The following MYBL2 variants were observed in gnomAD, a reference collection of about 807,000 sequenced individuals.
MYBL2 encodes the protein myb-related protein B.
In MYBL2, 28 loss-of-function variants were observed where a neutral mutation model predicts 79.9. That is an observed-to-expected ratio of 0.35 (90% confidence interval 0.26 to 0.48). The LOEUF is 0.48. Ranked by LOEUF, MYBL2 falls within the 20% of genes least tolerant of loss-of-function variation. The pLI is 0.99. For synonymous variants in MYBL2, 378 were observed against 361.2 expected, an observed-to-expected ratio of 1.05 and a Z score of -0.53; for missense variants, 735 against 893.9, an observed-to-expected ratio of 0.82 and a Z score of 2.27.
chr20:43,711,083 G>T (rs1213408829), intron 10 of MYBL2, among the ~76,000 whole-genome samples: 1 of 152,206 alleles, frequency 6.6e-6, no homozygotes, highest in Non-Finnish European at 1.5e-5. Context: ...AAATGGGTTT[G>T]AGAGCCCCCA....
chr20:43,714,869 TC>T (rs1987991796), intron 12 of MYBL2, among the ~76,000 whole-genome samples: 1 of 152,242 alleles, frequency 6.6e-6, no homozygotes, highest in Non-Finnish European at 1.5e-5. Context: ...GACCTCGTGA[TC>T]CGCCTGCCTC....
At position 43,673,835 on chromosome 20, in the gene MYBL2, A is replaced by G. The variant is rs1437784442; in HGVS notation, c.50A>G (p.Asp17Gly). 3 of 1,561,710 alleles carry G rather than the reference A, an allele frequency of 1.9e-6. No homozygotes were observed. The highest frequency in any genetic ancestry group is 1.4e-5 in the African/African-American group (1 of 73,594). ...GATCTGGATGAGCTGCACTACCAGG[A>G]CACAGATTCAGATGTGCCGGAGCAG... The part of the protein sequence containing the change: ...CEDLDELHYQ[D>G]TDSDVPEQRD... The change falls in exon 2 of 14, where the codon GAC becomes GGC. Residue 17 changes from aspartate to glycine, a missense_variant. Coordinates refer to ENST00000217026, the MANE Select transcript of MYBL2 (RefSeq NM_002466.4).
At chr20:43,683,720 A>AT (rs199520482) in intron 4 of MYBL2, among the ~76,000 whole-genome samples, 1,907 of 151,610 alleles carry the variant, frequency 0.013, 47 homozygotes, top group African/African-American at 0.044. Flanking sequence ...CACCTGGCTA[A>AT]TTTTTTTGTA....
At chr20:43,697,914 CAA>C (rs58049554) in intron 6 of MYBL2, among the ~76,000 whole-genome samples, 10 of 99,506 alleles carry the variant, frequency 1.0e-4, no homozygotes, top group Non-Finnish European at 1.5e-4. Flanking sequence ...GACTCCATCT[CAA>C]AAAAAAAAAA....
At chr20:43,714,995 A>G (rs564556851) in intron 12 of MYBL2, 139 bp from the exon 13 acceptor site, 2 of 1,018,714 alleles carry the variant, frequency 2.0e-6, no homozygotes, top group African/African-American at 3.2e-5. Flanking sequence ...GAAAGCAGAA[A>G]CTGAGGCTTG....
chr20:43,676,636 A>G (rs1480865839), intron 2 of MYBL2, among the ~76,000 whole-genome samples: 1 of 152,212 alleles, frequency 6.6e-6, no homozygotes, highest in Non-Finnish European at 1.5e-5. Context: ...ATTCTTGCAT[A>G]AGTCTTTTTG....
chr20:43,668,188 T>G (rs1232664322), intron 1 of MYBL2, among the ~76,000 whole-genome samples: 1 of 134,002 alleles, frequency 7.5e-6, no homozygotes, highest in Non-Finnish European at 1.5e-5. Context: ...ATAACCTTCG[T>G]TCCCTCTTTT....
At chr20:43,669,020 C>T (rs1028586692) in intron 1 of MYBL2, among the ~76,000 whole-genome samples, 3 of 152,326 alleles carry the variant, frequency 2.0e-5, no homozygotes, top group African/African-American at 2.4e-5. Flanking sequence ...CACGCCGCCA[C>T]GCCTGGCTAA....
At chr20:43,712,757 C>T (rs1335712273) in intron 11 of MYBL2, among the ~76,000 whole-genome samples, 1 of 152,128 alleles carries the variant, frequency 6.6e-6, no homozygotes, top group East Asian at 1.9e-4. Context: ...TGTGTTCCTG[C>T]TCACTGTCGC....
rs577541897 is a variant in MYBL2 at position 43,673,403 on chromosome 20, G to A, written c.21-403G>A. On this transcript the variant is annotated intron_variant, in intron 1 of 13. Coordinates refer to ENST00000217026, the MANE Select transcript of MYBL2 (RefSeq NM_002466.4). ...TATAGTCCCAACACTTTGGGAGGCC[G>A]TGGTGGGAGGATTGCTTGAGCCCAG... 5.9e-5 allele frequency among the ~76,000 whole-genome samples: 9 copies of A among 152,078 alleles called. No homozygotes were observed. In the South Asian group the frequency reaches 1.7e-3, roughly 28 times the overall value.
Position 43,711,346 on chromosome 20 carries a change from G to A in MYBL2, c.1606-142G>A, listed in dbSNP as rs183377994. The A allele has an allele frequency of 2.7e-4, 168 of 618,632 alleles. 1 individual carries two copies. The East Asian group carries it at 4.0e-3, about 15-fold the overall frequency. The allele number at this position is 618,632 out of a possible 1,614,324, so 38.3% of individuals were successfully genotyped here. On this transcript the variant is annotated intron_variant, in intron 10 of 13. Coordinates refer to ENST00000217026, the MANE Select transcript of MYBL2 (RefSeq NM_002466.4). The stretch of plus-strand genomic sequence containing the variant: ...AGCAGTTAGTGGTTGTGAATGGTGC[G>A]TGTGAGATCTGCATCCTGGCGTCAG...
chr20:43,700,587 G>A (rs1215190878), intron 7 of MYBL2, among the ~76,000 whole-genome samples: 1 of 152,114 alleles, frequency 6.6e-6, no homozygotes, highest in African/African-American at 2.4e-5. Flanking sequence ...GGCTGCATCG[G>A]CCAGGCCTGC....
intron 12 of MYBL2, 109 bp from the exon 13 acceptor site, chr20:43,715,025 T>C: frequency 7.6e-7 from 1 of 1,310,208 alleles, no homozygotes; most frequent in Middle Eastern, 1.9e-4. Context: ...GTATCCTCTT[T>C]CAGGTCTCAG....
intron 12 of MYBL2, among the ~76,000 whole-genome samples, chr20:43,714,380 G>A (rs1311739423): frequency 6.6e-6 from 1 of 152,186 alleles, no homozygotes; most frequent in Non-Finnish European, 1.5e-5. Flanking sequence ...GGCTTTATGT[G>A]ACAAAGCCAA....
chr20:43,681,879 C>T (rs1227976300), intron 3 of MYBL2, 24 bp downstream of exon 3: 3 of 1,612,628 alleles, frequency 1.9e-6, no homozygotes, highest in Non-Finnish European at 2.5e-6. Flanking sequence ...TGCTGTGGCC[C>T]TCCCTCGGGG....
intron 12 of MYBL2, 103 bp from the exon 13 acceptor site, chr20:43,715,031 C>T: frequency 7.2e-7 from 1 of 1,389,612 alleles, no homozygotes; most frequent in Admixed American, 1.9e-5. Flanking sequence ...TCTTTCAGGT[C>T]TCAGCAGCCA....
chr20:43,681,037 A>G (rs144197800), intron 2 of MYBL2, among the ~76,000 whole-genome samples: 1 of 152,292 alleles, frequency 6.6e-6, no homozygotes, highest in Non-Finnish European at 1.5e-5. Flanking sequence ...GCATGGAATC[A>G]TACGGCATGT....
In MYBL2 at chr20:43,715,172, G is replaced by A; in HGVS notation, c.1863G>A (p.Leu621=). 6.2e-7 allele frequency: 1 copy of A among 1,614,184 alleles called. No homozygotes were observed. The highest frequency in any genetic ancestry group is 8.5e-7 in the Non-Finnish European group (1 of 1,180,044). ...TAPSNSSSLT[L]SGIKEDNSLL... ...CTTCAAACTCTTCCAGCCTCACCCT[G>A]TCAGGTATCAAAGAAGACAACAGCT... The change falls in exon 13 of 14, where the codon CTG becomes CTA. Residue 621 remains leucine (L), a synonymous_variant. Transcript: ENST00000217026.
chr20:43,706,719 G>GTTTTTTTTTTTGTTTTT (rs1987791822), intron 9 of MYBL2, among the ~76,000 whole-genome samples: 9 of 70,782 alleles, frequency 1.3e-4, no homozygotes, highest in African/African-American at 4.8e-4. Context: ...AAAAAAAAAA[G>GTTTTTTTTTTTGTTTTT]TTTTTTTTTT....
Sources: gnomAD v4.1 joint callset for allele counts (sites outside exome capture counted in the v4.1 genomes callset) on GRCh38, gnomAD v4.1.1 for gene constraint, MANE v1.5 for transcripts, NCBI Gene and HGNC (gene_info 2026-07-23, HGNC 2026-07-21) for gene names.